TSPAN18: variants seen among roughly 807,000 people sequenced by gnomAD.
TSPAN18 encodes the protein tetraspanin-18.
A neutral mutation model predicts 27.3 loss-of-function variants in TSPAN18; 14 were observed. That is an observed-to-expected ratio of 0.51 (90% CI 0.34 to 0.80). The LOEUF (loss-of-function observed/expected upper bound fraction) is 0.80. TSPAN18 is among the 30% of genes least tolerant of loss of function. The pLI is 0.01. For synonymous variants in TSPAN18, 143 were observed against 136.5 expected, an observed-to-expected ratio of 1.05 and a Z score of -0.33; for missense variants, 268 against 323.9, an observed-to-expected ratio of 0.83 and a Z score of 1.32.
chr11:44,769,490 GT>G, intron 2 of TSPAN18, among the ~76,000 whole-genome samples: 1 of 152,192 alleles, frequency 6.6e-6, no homozygotes, highest in Admixed American at 6.5e-5. Flanking sequence ...TCCCATAAGT[GT>G]TTGGTAGACT....
At chr11:44,856,143 A>G (rs1857732473) in intron 2 of TSPAN18, among the ~76,000 whole-genome samples, 1 of 151,922 alleles carries the variant, frequency 6.6e-6, no homozygotes, top group African/African-American at 2.4e-5. Flanking sequence ...TCAGCCTCCT[A>G]AACTACTGGG....
In TSPAN18 at chr11:44,929,222, C is replaced by T; in HGVS notation, c.*44C>T. On this transcript the variant is annotated 3_prime_UTR_variant, in exon 10 of 10. Coordinates refer to ENST00000520358, the MANE Select transcript of TSPAN18 (RefSeq NM_130783.5). ...TGAAGACTCGCCCCACCCACCACTGCCCAGCACCCAGTGTCCTCCCGTGCC... is the reference window on the plus strand; with the variant it reads ...TGAAGACTCGCCCCACCCACCACTGTCCAGCACCCAGTGTCCTCCCGTGCC... 6.2e-7 allele frequency: 1 copy of T among 1,611,922 alleles called. No individual in the cohort carries two copies. Among genetic ancestry groups the T allele is most frequent in the Non-Finnish European group, 8.5e-7 (1 of 1,179,104 alleles).
intron 2 of TSPAN18, among the ~76,000 whole-genome samples, chr11:44,805,862 C>T (rs1341970041): frequency 1.3e-5 from 2 of 152,094 alleles, no homozygotes; most frequent in African/African-American, 4.8e-5. Context: ...TTCCCTCTCT[C>T]TCTGTCTGTC....
At chr11:44,861,409 G>C (rs1056055817) in intron 3 of TSPAN18, among the ~76,000 whole-genome samples, 2 of 146,454 alleles carry the variant, frequency 1.4e-5, no homozygotes, top group African/African-American at 2.5e-5. Context: ...GGTGCGGGTG[G>C]TGCTGAGGGA....
At chr11:44,850,867 T>G (rs1857583922) in intron 2 of TSPAN18, among the ~76,000 whole-genome samples, 1 of 152,098 alleles carries the variant, frequency 6.6e-6, no homozygotes, top group Non-Finnish European at 1.5e-5. Flanking sequence ...CCTAGATTCC[T>G]TCTCACCTCA....
rs78611586 is a variant in TSPAN18, at chr11:44,911,440, A to T, written c.258+1541A>T. Among the ~76,000 whole-genome samples the T allele has an allele frequency of 2.8e-3, 430 of 152,250 alleles. 2 individuals are homozygous for T. The highest frequency in any genetic ancestry group is 0.01 in the African/African-American group (417 of 41,546). ...ATGAGTGACAAGGAGCCTTGGGCCTATTTGTCCTTCAACAGCGCAAACACT... is the reference window on the plus strand; with the variant it reads ...ATGAGTGACAAGGAGCCTTGGGCCTTTTTGTCCTTCAACAGCGCAAACACT... On this transcript the variant is annotated intron_variant, in intron 5 of 9. Coordinates refer to ENST00000520358, the MANE Select transcript of TSPAN18 (RefSeq NM_130783.5).
chr11:44,829,217 G>A (rs1172324604), intron 2 of TSPAN18, among the ~76,000 whole-genome samples: 1 of 152,032 alleles, frequency 6.6e-6, no homozygotes, highest in Non-Finnish European at 1.5e-5. Context: ...TCCATTAGGG[G>A]TCCCTCTTTG....
intron 9 of TSPAN18, 59 bp downstream of exon 9, chr11:44,926,816 G>A: frequency 6.4e-7 from 1 of 1,573,942 alleles, no homozygotes; most frequent in South Asian, 1.1e-5. Context: ...TGGAGCCTAG[G>A]CAGATCCCCC....
chr11:44,816,564 C>T (rs1044201687), intron 2 of TSPAN18, among the ~76,000 whole-genome samples: 4 of 151,948 alleles, frequency 2.6e-5, no homozygotes, highest in Non-Finnish European at 5.9e-5. Flanking sequence ...TAACTCCTCT[C>T]TCCATACATG....
intron 1 of TSPAN18, among the ~76,000 whole-genome samples, chr11:44,731,205 A>G (rs1375846426): frequency 6.6e-6 from 1 of 152,210 alleles, no homozygotes; most frequent in Non-Finnish European, 1.5e-5. Flanking sequence ...TGATACTGTT[A>G]CAGATGGAGC....
intron 3 of TSPAN18, among the ~76,000 whole-genome samples, chr11:44,867,009 A>G (rs987656894): frequency 2.0e-5 from 3 of 152,260 alleles, no homozygotes; most frequent in African/African-American, 7.2e-5. Context: ...TTGATTGAAC[A>G]CCAACCTTAA....
At chr11:44,909,228 C>T (rs1303542796) in intron 4 of TSPAN18, among the ~76,000 whole-genome samples, 1 of 152,186 alleles carries the variant, frequency 6.6e-6, no homozygotes, top group Non-Finnish European at 1.5e-5. Flanking sequence ...ATAGGGCTGA[C>T]TCAGAGCATG....
chr11:44,849,545 G>A (rs1857554084), intron 2 of TSPAN18, among the ~76,000 whole-genome samples: 1 of 152,216 alleles, frequency 6.6e-6, no homozygotes, highest in Admixed American at 6.5e-5. Context: ...GCCTGGGGGT[G>A]CAGATGGGGG....
At chr11:44,929,002 C>A in intron 9 of TSPAN18, 129 bp from the exon 10 acceptor site, 1 of 1,206,698 alleles carries the variant, frequency 8.3e-7, no homozygotes, top group Non-Finnish European at 1.2e-6. Context: ...AGGGGAATGT[C>A]AGGAATCCTT....
chr11:44,815,871 G>A (rs1856809346), intron 2 of TSPAN18, among the ~76,000 whole-genome samples: 1 of 152,180 alleles, frequency 6.6e-6, no homozygotes, highest in Non-Finnish European at 1.5e-5. Flanking sequence ...TAAAGGCAAT[G>A]AGGTGGGCAC....
intron 3 of TSPAN18, among the ~76,000 whole-genome samples, chr11:44,900,661 C>T (rs930822740): frequency 3.1e-5 from 4 of 130,668 alleles, no homozygotes; most frequent in Admixed American, 7.9e-5. Flanking sequence ...TCAGTATTTT[C>T]CATACAACTT....
At chr11:44,892,155 C>T (rs1241658787) in intron 3 of TSPAN18, among the ~76,000 whole-genome samples, 1 of 152,192 alleles carries the variant, frequency 6.6e-6, no homozygotes, top group Non-Finnish European at 1.5e-5. Context: ...ATACCATCTC[C>T]CAGAACTGGG....
chr11:44,746,459 C>A (rs1855079982), intron 1 of TSPAN18, among the ~76,000 whole-genome samples: 1 of 152,132 alleles, frequency 6.6e-6, no homozygotes, highest in South Asian at 2.1e-4. Flanking sequence ...GTACCCACAC[C>A]AAAATATTGT....
At chr11:44,813,762 T>A (rs772977129) in intron 2 of TSPAN18, among the ~76,000 whole-genome samples, 16 of 152,170 alleles carry the variant, frequency 1.1e-4, no homozygotes, top group Non-Finnish European at 2.1e-4. Context: ...AAACCTTGCC[T>A]GGAGAGGCCC....
Sources: allele counts gnomAD v4.1 joint callset (sites outside exome capture counted in the v4.1 genomes callset), GRCh38; gene constraint gnomAD v4.1.1; transcripts MANE v1.5; gene names NCBI Gene and HGNC (gene_info 2026-07-23, HGNC 2026-07-21).